The following AKAP12 variants were observed in gnomAD, a reference collection of about 807,000 sequenced individuals.
AKAP12 encodes the protein A-kinase anchoring protein 12.
In AKAP12, 32 loss-of-function variants were observed where a neutral mutation model predicts 79.9. The ratio of observed to expected loss-of-function variants is 0.40; its 90% CI spans 0.30 to 0.54. The LOEUF (loss-of-function observed/expected upper bound fraction) is 0.54. Among genes scored for constraint, AKAP12 ranks in the 20% least tolerant of loss-of-function variants. AKAP12 has a pLI of 0.48. For synonymous variants in AKAP12, 808 were observed against 857.0 expected (o/e 0.94, Z 1.00); for missense variants, 2,074 against 2,177.0 (o/e 0.95, Z 0.94).
At chr6:151,258,155 T>A (rs1004305701) in intron 2 of AKAP12, among the ~76,000 whole-genome samples, 1 of 152,180 alleles carries the variant, frequency 6.6e-6, no homozygotes, top group Non-Finnish European at 1.5e-5. Flanking sequence ...GTCCTCAAAC[T>A]CTCTGCCGCT....
intron 3 of AKAP12, among the ~76,000 whole-genome samples, chr6:151,327,843 A>G (rs1777567346): frequency 6.6e-6 from 1 of 152,220 alleles, no homozygotes; most frequent in South Asian, 2.1e-4. Flanking sequence ...TGGTAAGAAG[A>G]AAGTGCACAG....
chr6:151,258,895 T>C lies in AKAP12; in HGVS notation c.162+18171T>C, dbSNP rs188815140. Among the ~76,000 whole-genome samples the C allele has an allele frequency of 1.3e-3, 197 of 151,820 alleles. 1 individual carries two copies. Among genetic ancestry groups the C allele is most frequent in the East Asian group, 3.9e-4 (2 of 5,170 alleles). On this transcript the variant is annotated intron_variant, in intron 2 of 4. Coordinates refer to ENST00000402676, the MANE Select transcript of AKAP12 (RefSeq NM_005100.4). ...TGCCCACCTCAGCCTCCCCAAGTGCTGAATTATAGGTATGAGCCACTGTGC... is the reference window on the plus strand; with the variant it reads ...TGCCCACCTCAGCCTCCCCAAGTGCCGAATTATAGGTATGAGCCACTGTGC...
chr6:151,307,948 T>C (rs1777010418), intron 3 of AKAP12, among the ~76,000 whole-genome samples: 2 of 152,120 alleles, frequency 1.3e-5, no homozygotes, highest in Admixed American at 6.6e-5. Context: ...TACTGCAACA[T>C]CTGCCTCCCC....
intron 2 of AKAP12, among the ~76,000 whole-genome samples, chr6:151,288,013 A>T (rs1204186690): frequency 6.6e-6 from 1 of 150,678 alleles, no homozygotes; most frequent in Non-Finnish European, 1.5e-5. Flanking sequence ...GAGTTGAACA[A>T]GGAGAACACC....
At chr6:151,348,678 T>TGTGGGGGGGGGGGGGGGGGGG in intron 3 of AKAP12, 33 bp from the exon 4 acceptor site, 2 of 374,898 alleles carry the variant, frequency 5.3e-6, no homozygotes, top group Admixed American at 3.9e-5. Flanking sequence ...CCTTTTCTCT[T>TGTGGGGGGGGGGGGGGGGGGG]CTCCCCACCC....
At chr6:151,267,922 G>A (rs1776082259) in intron 2 of AKAP12, among the ~76,000 whole-genome samples, 1 of 152,100 alleles carries the variant, frequency 6.6e-6, no homozygotes, top group Non-Finnish European at 1.5e-5. Flanking sequence ...TGTCTCTCTC[G>A]GCGTTTGCTG....
intron 2 of AKAP12, chr6:151,299,071 T>G (rs1441270118): frequency 6.6e-6 from 1 of 152,210 alleles, no homozygotes; most frequent in Admixed American, 6.5e-5. Context: ...AATGGGTACA[T>G]AATGCATAGG....
intron 3 of AKAP12, among the ~76,000 whole-genome samples, chr6:151,313,722 C>G (rs971102892): frequency 3.3e-5 from 5 of 152,196 alleles, no homozygotes; most frequent in South Asian, 2.1e-4. Flanking sequence ...CACCCTTTCT[C>G]CCCTTCGTAA....
intron 3 of AKAP12, among the ~76,000 whole-genome samples, chr6:151,321,088 G>C (rs1422230566): frequency 6.6e-6 from 1 of 151,948 alleles, no homozygotes; most frequent in Non-Finnish European, 1.5e-5. Context: ...CTGGGTTCAA[G>C]TGATTCTCAT....
chr6:151,270,917 A>G (rs1776167473), intron 2 of AKAP12, among the ~76,000 whole-genome samples: 1 of 152,176 alleles, frequency 6.6e-6, no homozygotes, highest in South Asian at 2.1e-4. Context: ...AGCATTATGC[A>G]CTCGTAGCAA....
At chr6:151,293,910 TC>T (rs1776669573) in intron 2 of AKAP12, among the ~76,000 whole-genome samples, 1 of 152,170 alleles carries the variant, frequency 6.6e-6, no homozygotes, top group South Asian at 2.1e-4. Flanking sequence ...AGATGCATTT[TC>T]TTGGTTTAAG....
At chr6:151,272,581 A>G (rs1174681303) in intron 2 of AKAP12, among the ~76,000 whole-genome samples, 1 of 151,840 alleles carries the variant, frequency 6.6e-6, no homozygotes, top group Non-Finnish European at 1.5e-5. Context: ...GTGCAGTTGT[A>G]TGATCTCGGC....
At chr6:151,267,555 G>A (rs1776075141) in intron 2 of AKAP12, among the ~76,000 whole-genome samples, 1 of 152,176 alleles carries the variant, frequency 6.6e-6, no homozygotes, top group Non-Finnish European at 1.5e-5. Flanking sequence ...CAGAGAGAGG[G>A]TGGGGTGTGG....
At chr6:151,322,736 C>G (rs547616221) in intron 3 of AKAP12, among the ~76,000 whole-genome samples, 5 of 147,202 alleles carry the variant, frequency 3.4e-5, no homozygotes, top group African/African-American at 1.1e-4. Flanking sequence ...CTGGGCGTGT[C>G]CACCACCCAC....
At chr6:151,321,322 C>T (rs1244894883) in intron 3 of AKAP12, among the ~76,000 whole-genome samples, 1 of 152,116 alleles carries the variant, frequency 6.6e-6, no homozygotes, top group Non-Finnish European at 1.5e-5. Context: ...AAACTCCATC[C>T]TGGTTAGCTG....
rs1778460763 is a variant in AKAP12 at position 151,357,112 on chromosome 6, G to GAAAT, written c.*1401_*1404dup. ...AATTAATAGTAAAAATGCCTTTCCTGAAATAATCTTGGAAAATTTTTTAAA... is the reference window on the plus strand; with the variant it reads ...AATTAATAGTAAAAATGCCTTTCCTGAAATAAATAATCTTGGAAAATTTTTTAAA... On this transcript the variant is annotated 3_prime_UTR_variant, in exon 5 of 5. Coordinates refer to ENST00000402676, the MANE Select transcript of AKAP12 (RefSeq NM_005100.4). The GAAAT allele has an allele frequency of 6.6e-6, 1 of 152,308 alleles. No homozygotes were observed. The highest frequency in any genetic ancestry group is 1.9e-4 in the East Asian group (1 of 5,182). 9.4% of individuals were successfully genotyped at this position (152,308 alleles called of 1,614,324 possible).
chr6:151,294,231 C>T (rs1036471944), intron 2 of AKAP12, among the ~76,000 whole-genome samples: 2 of 152,194 alleles, frequency 1.3e-5, no homozygotes, highest in African/African-American at 2.4e-5. Context: ...CTCGGCCTCC[C>T]AAAGTGCTGG....
Position 151,351,243 on chromosome 6 carries a change from C to T in AKAP12, c.2852C>T (p.Thr951Ile). Reference sequence around the variant, plus strand: ...GCAGAAGAAGAACCCCCCACGGTTACTGAACCTCTGCCAGAGAACAGAGAG... The same window carrying T: ...GCAGAAGAAGAACCCCCCACGGTTATTGAACCTCTGCCAGAGAACAGAGAG... ...VIAEEEPPTV[T>I]EPLPENREAR... is the part of the protein sequence containing the mutation. Residue 951 changes from threonine (T) to isoleucine (I), a missense_variant, in exon 4 of 5, where the codon ACT becomes ATT. Thr to Ile is a moderately conservative substitution (Grantham distance 89, BLOSUM62 -1). This residue lies in a region of AKAP12 where 1,428 missense variants were observed against 1,451.0 expected (regional missense o/e 0.98). Transcript: ENST00000402676. The surrounding 1 kb of genome is among the most constrained non-coding windows in gnomAD (Gnocchi z 4.4). The T allele has an allele frequency of 1.2e-6, 2 of 1,614,240 alleles. No individual in the cohort carries two copies. The highest frequency in any genetic ancestry group is 1.7e-6 in the Non-Finnish European group (2 of 1,180,046).
chr6:151,310,007 C>T (rs1354869213), intron 3 of AKAP12, among the ~76,000 whole-genome samples: 2 of 152,032 alleles, frequency 1.3e-5, no homozygotes, highest in East Asian at 3.9e-4. Context: ...GCTCCCTTTC[C>T]GCAACCCAAA....
Sources: allele counts gnomAD v4.1 joint callset (sites outside exome capture counted in the v4.1 genomes callset), GRCh38; gene constraint gnomAD v4.1.1; regional missense constraint gnomAD v4.1.1; non-coding constraint Gnocchi (gnomAD v3.1); transcripts MANE v1.5; gene names NCBI Gene and HGNC (gene_info 2026-07-23, HGNC 2026-07-21).